IFT81: variants seen among roughly 807,000 people sequenced by gnomAD.
The protein encoded by IFT81 is intraflagellar transport protein 81 homolog.
In IFT81, 72 loss-of-function variants were observed where a neutral mutation model predicts 102.6. The observed-to-expected ratio is 0.70, with a 90% CI of 0.58 to 0.85. The LOEUF (loss-of-function observed/expected upper bound fraction) is 0.85. Ranked by LOEUF, IFT81 falls within the 40% of genes least tolerant of loss-of-function variation. IFT81 has a pLI of 0.00. For synonymous variants in IFT81, 237 were observed against 242.7 expected, an observed-to-expected ratio of 0.98 and a Z score of 0.22; for missense variants, 723 against 787.3, an observed-to-expected ratio of 0.92 and a Z score of 0.98.
chr12:110,165,463 C>T (rs912468846), intron 11 of IFT81, among the ~76,000 whole-genome samples: 1 of 152,002 alleles, frequency 6.6e-6, no homozygotes, highest in Admixed American at 6.6e-5. Context: ...ATGTCCTTTG[C>T]CCCCCATCTG....
chr12:110,179,553 C>A (rs1897197160), intron 11 of IFT81, among the ~76,000 whole-genome samples: 1 of 150,940 alleles, frequency 6.6e-6, no homozygotes, highest in Non-Finnish European at 1.5e-5. Context: ...GAAACCCCAT[C>A]TTTACAAAAA....
Position 110,129,197 on chromosome 12 carries a change from G to A in IFT81, c.429+67G>A, listed in dbSNP as rs1894025775. ...TCAAGGTGTATATATTCAAATACATGTTACTCTTTTTTTATTTGCTGTCTT... is the reference window on the plus strand; with the variant it reads ...TCAAGGTGTATATATTCAAATACATATTACTCTTTTTTTATTTGCTGTCTT... On this transcript the variant is annotated intron_variant, in intron 4 of 18. Transcript: ENST00000242591. 8 of 1,188,838 alleles carry A rather than the reference G, an allele frequency of 6.7e-6. No individual in the cohort carries two copies. In the South Asian group the frequency reaches 9.8e-5, roughly 15 times the overall value. 73.6% of individuals were successfully genotyped at this position (1,188,838 alleles called of 1,614,324 possible).
rs186095090 is a variant in IFT81, at chr12:110,147,102, C to T, written c.1041+54C>T. Reference sequence around the variant, plus strand: ...TAGATCTGTAAGCATATTCATGAACCACTGGCTGTGTTATCTATAGTCTTA... The same window carrying T: ...TAGATCTGTAAGCATATTCATGAACTACTGGCTGTGTTATCTATAGTCTTA... On this transcript the variant is annotated intron_variant, in intron 10 of 18. Transcript: ENST00000242591. The T allele has an allele frequency of 2.9e-6, 4 of 1,382,980 alleles. No homozygotes were observed. The East Asian group carries it at 7.0e-5, about 24-fold the overall frequency. 85.7% of individuals were successfully genotyped at this position (1,382,980 alleles called of 1,614,324 possible). A position where few individuals can be genotyped will look rare whatever the true frequency, so the allele number is the denominator to read the frequency against.
chr12:110,158,143 T>A (rs548077405), intron 10 of IFT81, among the ~76,000 whole-genome samples: 1 of 152,300 alleles, frequency 6.6e-6, no homozygotes, highest in East Asian at 1.9e-4. Context: ...TGATCTCAAC[T>A]CACTGCAACC....
At chr12:110,155,617 C>T (rs1376046786) in intron 10 of IFT81, among the ~76,000 whole-genome samples, 1 of 152,104 alleles carries the variant, frequency 6.6e-6, no homozygotes, top group Non-Finnish European at 1.5e-5. Context: ...CGGCCTGGAT[C>T]ACATGTTTTT....
At chr12:110,154,343 A>G (rs1221531345) in intron 10 of IFT81, among the ~76,000 whole-genome samples, 1 of 150,908 alleles carries the variant, frequency 6.6e-6, no homozygotes, top group Non-Finnish European at 1.5e-5. Flanking sequence ...AAAAAAAAGT[A>G]TTTTTGGCCG....
At chr12:110,179,765 T>TACACACAC (rs1428284986) in intron 11 of IFT81, among the ~76,000 whole-genome samples, 4 of 69,212 alleles carry the variant, frequency 5.8e-5, no homozygotes, top group South Asian at 4.4e-4. Context: ...TATATATATA[T>TACACACAC]ATATATATAC....
chr12:110,159,860 A>G (rs143498257), intron 10 of IFT81, among the ~76,000 whole-genome samples: 158 of 152,284 alleles, frequency 1.0e-3, no homozygotes, highest in Middle Eastern at 3.4e-3. Flanking sequence ...GGGACCTGCT[A>G]TTGTGCTAAG....
Position 110,209,207 on chromosome 12 carries a change from C to G in IFT81, c.1839C>G (p.Asn613Lys). The G allele has an allele frequency of 6.5e-7, 1 of 1,539,192 alleles. No homozygotes were observed. The highest frequency in any genetic ancestry group is 1.4e-5 in the African/African-American group (1 of 73,228). The change falls in exon 18 of 19, where the codon AAC (asparagine) becomes AAG (lysine). Residue 613 changes from asparagine (N) to lysine (K), a missense_variant. Coordinates refer to ENST00000242591, the MANE Select transcript of IFT81 (RefSeq NM_014055.4). Reference protein sequence around the residue: ...QYTKNTAEQENLGKKLREKQK... With the variant: ...QYTKNTAEQEKLGKKLREKQK... ...CCAAAAATACTGCTGAACAAGAAAA[C>G]CTTGGAAAGGTAAGAATTATTATTT...
intron 11 of IFT81, among the ~76,000 whole-genome samples, chr12:110,170,109 T>C (rs1279440636): frequency 2.0e-5 from 3 of 152,054 alleles, no homozygotes; most frequent in East Asian, 3.9e-4. Context: ...CCCGCCACCA[T>C]GCCCGGCTAA....
At chr12:110,136,312 A>G (rs184409322) in intron 7 of IFT81, among the ~76,000 whole-genome samples, 8 of 152,356 alleles carry the variant, frequency 5.3e-5, no homozygotes. Flanking sequence ...TTACTACTAA[A>G]TCAGCAGTTT....
At chr12:110,203,453 AT>A (rs1179776570) in intron 14 of IFT81, 1 of 179,644 alleles carries the variant, frequency 5.6e-6, no homozygotes, top group Non-Finnish European at 1.2e-5. Context: ...TAGCTTAGAT[AT>A]CAATTTCTCC....
intron 12 of IFT81, among the ~76,000 whole-genome samples, chr12:110,184,483 A>G (rs1199818955): frequency 6.6e-6 from 1 of 152,262 alleles, no homozygotes; most frequent in African/African-American, 2.4e-5. Context: ...CTCAAATGCC[A>G]GAAACATTAC....
chr12:110,180,426 A>G lies in IFT81; in HGVS notation c.1193A>G (p.Lys398Arg), dbSNP rs769401174. 1.3e-6 allele frequency: 2 copies of G among 1,595,164 alleles called. No individual in the cohort carries two copies. The highest frequency in any genetic ancestry group is 4.5e-5 in the East Asian group (2 of 44,626). Residue 398 changes from lysine to arginine, a missense_variant, in exon 12 of 19, where the codon AAA (lysine) becomes AGA (arginine). Coordinates refer to ENST00000242591, the MANE Select transcript of IFT81 (RefSeq NM_014055.4). ...GTEVLKGDEFKRYVNKLRSKS... is the reference protein window; with the variant it reads ...GTEVLKGDEFRRYVNKLRSKS... ...CATATTGTGTTTTTTTTACAGTTCA[A>G]ACGATATGTCAATAAACTTCGAAGC... is the stretch of plus-strand genomic sequence containing the variant.
At chr12:110,210,584 C>T (rs1240287833) in intron 18 of IFT81, among the ~76,000 whole-genome samples, 1 of 151,496 alleles carries the variant, frequency 6.6e-6, no homozygotes, top group East Asian at 2.0e-4. Flanking sequence ...ACAAAAAATA[C>T]AAAAATTAGC....
At chr12:110,144,677 AT>A (rs951490238) in intron 9 of IFT81, among the ~76,000 whole-genome samples, 2 of 148,794 alleles carry the variant, frequency 1.3e-5, no homozygotes, top group Non-Finnish European at 3.0e-5. Context: ...TGCCTGGCCA[AT>A]TTTTTTATTT....
chr12:110,176,702 G>A (rs1353467795), intron 11 of IFT81, among the ~76,000 whole-genome samples: 1 of 152,102 alleles, frequency 6.6e-6, no homozygotes, highest in Non-Finnish European at 1.5e-5. Context: ...TGCTTTGATG[G>A]CCACCTATTG....
At chr12:110,166,318 TTC>T (rs1593324059) in intron 11 of IFT81, among the ~76,000 whole-genome samples, 1 of 152,162 alleles carries the variant, frequency 6.6e-6, no homozygotes, top group Non-Finnish European at 1.5e-5. Flanking sequence ...ATGAAATAGT[TTC>T]TGTTTAGGAA....
intron 4 of IFT81, among the ~76,000 whole-genome samples, chr12:110,131,654 A>C (rs1425559174): frequency 1.3e-5 from 2 of 152,006 alleles, no homozygotes; most frequent in African/African-American, 4.8e-5. Context: ...GGCCCATTCA[A>C]CTACTTTATA....
Sources: allele counts gnomAD v4.1 joint callset (sites outside exome capture counted in the v4.1 genomes callset), GRCh38; gene constraint gnomAD v4.1.1; transcripts MANE v1.5; gene names NCBI Gene and HGNC (gene_info 2026-07-23, HGNC 2026-07-21).